The following ERICH3 variants were observed in gnomAD, a reference collection of about 807,000 sequenced individuals.
The protein encoded by ERICH3 is glutamate rich 3.
In ERICH3, 126 loss-of-function variants were observed where a neutral mutation model predicts 131.1. The observed-to-expected ratio is 0.96, with a 90% CI of 0.83 to 1.11. ERICH3 has a LOEUF of 1.11. ERICH3 is among the 50% of genes most tolerant of loss of function. The pLI is 0.00. For missense variants in ERICH3, 2,050 were observed against 1,810.7 expected, an observed-to-expected ratio of 1.13 and a Z score of -2.40; for synonymous variants, 695 against 644.6, an observed-to-expected ratio of 1.08 and a Z score of -1.18.
chr1:74,630,823 G>T (rs1183357516), intron 7 of ERICH3, among the ~76,000 whole-genome samples: 1 of 151,978 alleles, frequency 6.6e-6, no homozygotes, highest in African/African-American at 2.4e-5. Flanking sequence ...CAGGGCAAGG[G>T]TGGGCCTTGG....
At chr1:74,575,062 C>G (rs3911353) in intron 13 of ERICH3, among the ~76,000 whole-genome samples, 113,969 of 151,694 alleles carry the variant, frequency 0.75, 44,660 homozygotes, top group Non-Finnish European at 0.87. Context: ...GCCTTCTTGG[C>G]TAGCCATCTT....
chr1:74,663,917 T>C (rs1054669490), intron 1 of ERICH3, among the ~76,000 whole-genome samples: 1 of 152,068 alleles, frequency 6.6e-6, no homozygotes, highest in Non-Finnish European at 1.5e-5. Flanking sequence ...AGACATATGG[T>C]AGGAATTATT....
chr1:74,601,558 A>G (rs941201113), intron 10 of ERICH3, among the ~76,000 whole-genome samples: 14 of 151,920 alleles, frequency 9.2e-5, no homozygotes, highest in Admixed American at 5.3e-4. Flanking sequence ...AGTGTCAAGT[A>G]AGCAGAATGT....
rs1557649203 is a variant in ERICH3 at position 74,568,796 on chromosome 1, G to A, written c.*1662C>T. 1 of 152,188 alleles carries A rather than the reference G, an allele frequency of 6.6e-6. No homozygotes were observed. Among genetic ancestry groups the A allele is most frequent in the Non-Finnish European group, 1.5e-5 (1 of 68,022 alleles). 9.4% of individuals were successfully genotyped at this position (152,188 alleles called of 1,614,324 possible). ...TGCCTCTGTAGTTGGCTTTCCAACT[G>A]AGACTAATCCTCAATACAATCAATA... On this transcript the variant is annotated 3_prime_UTR_variant, in exon 15 of 15. Coordinates refer to ENST00000326665, the MANE Select transcript of ERICH3 (RefSeq NM_001002912.5).
chr1:74,664,871 T>C (rs573416092), intron 1 of ERICH3, among the ~76,000 whole-genome samples: 37 of 152,322 alleles, frequency 2.4e-4, no homozygotes, highest in African/African-American at 7.9e-4. Context: ...ATTGATTTAT[T>C]ATCTTAATTA....
intron 7 of ERICH3, among the ~76,000 whole-genome samples, chr1:74,629,754 A>G (rs1339913430): frequency 2.0e-5 from 3 of 152,194 alleles, no homozygotes; most frequent in Admixed American, 6.5e-5. Context: ...GCTGTGACCC[A>G]AAGATTCTAT....
intron 9 of ERICH3, 28 bp downstream of exon 9, chr1:74,612,595 C>T (rs1272313617): frequency 6.7e-7 from 1 of 1,497,292 alleles, no homozygotes; most frequent in Non-Finnish European, 9.0e-7. Flanking sequence ...AAAACTTGCC[C>T]TCTACCAAAG....
intron 7 of ERICH3, among the ~76,000 whole-genome samples, chr1:74,630,362 G>C (rs1417960906): frequency 6.6e-6 from 1 of 152,188 alleles, no homozygotes; most frequent in Non-Finnish European, 1.5e-5. Flanking sequence ...ATTGAGGTCA[G>C]TCTTGGTCAA....
intron 1 of ERICH3, among the ~76,000 whole-genome samples, chr1:74,672,288 TA>T (rs1470296617): frequency 6.6e-6 from 1 of 152,136 alleles, no homozygotes; most frequent in Non-Finnish European, 1.5e-5. Flanking sequence ...CACAGATAAC[TA>T]AAAATTGCAC....
In ERICH3 at chr1:74,623,768, T is replaced by C. The variant is rs1649317275; in HGVS notation, c.820-2854A>G. 3 of 152,194 alleles carry C rather than the reference T, an allele frequency of 2.0e-5. No individual in the cohort carries two copies. In the South Asian group the frequency reaches 6.2e-4, roughly 32 times the overall value. The allele number at this position is 152,194 out of a possible 1,614,324, so 9.4% of individuals were successfully genotyped here. A position where few individuals can be genotyped will look rare whatever the true frequency, so the allele number is the denominator to read the frequency against. The stretch of plus-strand genomic sequence containing the variant: ...TAAAGCCCTCCAGTGATTCCCATTA[T>C]CCATGGGATAAGTTCCAACATTCCC... On this transcript the variant is annotated intron_variant, in intron 7 of 14. Transcript: ENST00000326665.
At chr1:74,668,430 G>T (rs1244505791) in intron 1 of ERICH3, among the ~76,000 whole-genome samples, 1 of 152,082 alleles carries the variant, frequency 6.6e-6, no homozygotes, top group South Asian at 2.1e-4. Context: ...TTCATGACTG[G>T]GCAACAAATC....
intron 2 of ERICH3, 123 bp from the exon 3 acceptor site, chr1:74,646,915 C>CAG (rs1261279874): frequency 0.016 from 3,922 of 251,014 alleles, 209 homozygotes; most frequent in African/African-American, 0.093. Flanking sequence ...CACACACACA[C>CAG]AGAGAGAGAA....
chr1:74,598,586 T>C (rs1213720104), intron 11 of ERICH3, among the ~76,000 whole-genome samples: 1 of 151,646 alleles, frequency 6.6e-6, no homozygotes, highest in African/African-American at 2.4e-5. Flanking sequence ...AGCCATAATA[T>C]CCAATAGAGA....
chr1:74,600,344 A>T (rs1384165417), intron 10 of ERICH3, among the ~76,000 whole-genome samples: 14 of 152,020 alleles, frequency 9.2e-5, no homozygotes, highest in Admixed American at 9.2e-4. Context: ...AAAATGTTCA[A>T]AATATTTGGA....
At chr1:74,616,661 T>C (rs762653299) in intron 8 of ERICH3, among the ~76,000 whole-genome samples, 2 of 151,700 alleles carry the variant, frequency 1.3e-5, no homozygotes, top group Non-Finnish European at 1.5e-5. Flanking sequence ...AACCTCAGAA[T>C]GTGACCTTGT....
At position 74,643,852 on chromosome 1, in the gene ERICH3, C is replaced by T. The variant is rs542629088; in HGVS notation, c.244-754G>A. Among the ~76,000 whole-genome samples the T allele has an allele frequency of 3.9e-5, 6 of 152,122 alleles. No individual in the cohort carries two copies. The East Asian group carries it at 7.7e-4, about 20-fold the overall frequency. Reference sequence around the variant, plus strand: ...TTTTTCGCTTGTTTTTTCACAAAACCTTGTTGTCCCTGTCACAACATAGTA... The same window carrying T: ...TTTTTCGCTTGTTTTTTCACAAAACTTTGTTGTCCCTGTCACAACATAGTA... On this transcript the variant is annotated intron_variant, in intron 3 of 14. Transcript: ENST00000326665.
At chr1:74,633,159 A>C (rs546142481) in intron 6 of ERICH3, among the ~76,000 whole-genome samples, 17 of 72,750 alleles carry the variant, frequency 2.3e-4, no homozygotes, top group Admixed American at 2.2e-3. Flanking sequence ...TGTAGAAAGG[A>C]AAGTACTCTC....
chr1:74,589,340 CAT>C, intron 12 of ERICH3: 1 of 526,084 alleles, frequency 1.9e-6, no homozygotes. Flanking sequence ...CCTTCAGACA[CAT>C]ACTGTGCTTT....
At chr1:74,643,811 T>C (rs1646456785) in intron 3 of ERICH3, among the ~76,000 whole-genome samples, 1 of 152,116 alleles carries the variant, frequency 6.6e-6, no homozygotes. Flanking sequence ...TTGGCCTATC[T>C]GACACTAGCT....
Sources: gnomAD v4.1 joint callset for allele counts (sites outside exome capture counted in the v4.1 genomes callset) on GRCh38, gnomAD v4.1.1 for gene constraint, MANE v1.5 for transcripts, NCBI Gene and HGNC (gene_info 2026-07-23, HGNC 2026-07-21) for gene names.